Variants in NUP155 observed in about 807,000 individuals in gnomAD.
The protein encoded by NUP155 is nuclear pore complex protein Nup155.
A neutral mutation model predicts 180.4 loss-of-function variants in NUP155; 71 were observed. That is an observed-to-expected ratio of 0.39 (90% CI 0.33 to 0.48). NUP155 has a LOEUF of 0.48. Among genes scored for constraint, NUP155 ranks in the 20% least tolerant of loss-of-function variants. NUP155 has a pLI of 0.91. For synonymous variants in NUP155, 582 were observed against 559.5 expected (o/e 1.04, Z -0.57); for missense variants, 1,553 against 1,648.9 (o/e 0.94, Z 1.01).
intron 9 of NUP155, 56 bp downstream of exon 9, chr5:37,348,449 A>G: frequency 9.2e-7 from 1 of 1,089,590 alleles, no homozygotes; most frequent in Non-Finnish European, 1.4e-6. Flanking sequence ...AAGGCTACAC[A>G]CAAATAGTAT....
chr5:37,352,754 T>G lies in NUP155; in HGVS notation c.539A>C (p.Tyr180Ser). The G allele has an allele frequency of 6.2e-7, 1 of 1,613,082 alleles. No individual in the cohort carries two copies. Among genetic ancestry groups the G allele is most frequent in the African/African-American group, 1.3e-5 (1 of 74,998 alleles). The change falls in exon 5 of 35, where the codon TAT (tyrosine) becomes TCT (serine). Residue 180 changes from tyrosine to serine, a missense_variant. Transcript: ENST00000231498. ...PVDIVILGLS[Y>S]ANLQTGSGVL... Reference sequence around the variant, plus strand: ...TGCCATACCTGTTTGCAAATTAGCATAGCTGAGTCCAAGAATTACTATGTC... The same window carrying G: ...TGCCATACCTGTTTGCAAATTAGCAGAGCTGAGTCCAAGAATTACTATGTC...
intron 1 of NUP155, among the ~76,000 whole-genome samples, chr5:37,369,528 C>A (rs1260577107): frequency 6.6e-6 from 1 of 151,980 alleles, no homozygotes; most frequent in Non-Finnish European, 1.5e-5. Context: ...AGAGAAGGAC[C>A]AGAATGCATG....
chr5:37,303,133 C>T (rs1373366550), intron 28 of NUP155, 127 bp downstream of exon 28: 1 of 1,097,470 alleles, frequency 9.1e-7, no homozygotes, highest in Non-Finnish European at 1.3e-6. Flanking sequence ...TAAAAAGTAA[C>T]ATCCTATTTA....
intron 25 of NUP155, among the ~76,000 whole-genome samples, chr5:37,307,044 A>G (rs1332124922): frequency 1.3e-5 from 2 of 151,792 alleles, no homozygotes. Context: ...CTAAAAATAC[A>G]AAAATTAGCC....
chr5:37,364,283 C>T lies in NUP155; in HGVS notation c.259G>A (p.Val87Ile). Residue 87 changes from valine (V) to isoleucine (I), a missense_variant, in exon 2 of 35, where the codon GTT becomes ATT. By Grantham distance (29) the Val-to-Ile change is conservative (BLOSUM62 3). Transcript: ENST00000231498. ...TCAACAAGTTCAGGTGGGAGAGGAA[C>T]TCTTCGGATGGAACTGATCTCTGGA... ...NLPEISSIRR[V>I]PLPPELVEQF... 6.2e-7 allele frequency: 1 copy of T among 1,613,100 alleles called. No homozygotes were observed. The highest frequency in any genetic ancestry group is 8.5e-7 in the Non-Finnish European group (1 of 1,179,092).
chr5:37,364,631 T>C lies in NUP155; in HGVS notation c.158-247A>G, dbSNP rs181735953. Among the ~76,000 whole-genome samples the C allele has an allele frequency of 3.6e-3, 40 of 11,128 alleles. 1 individual carries two copies. The Admixed American group carries it at 0.048, about 13-fold the overall frequency. The allele number at this position is 11,128 out of a possible 152,430, so 7.3% of individuals were successfully genotyped here. On this transcript the variant is annotated intron_variant, in intron 1 of 34. Coordinates refer to ENST00000231498, the MANE Select transcript of NUP155 (RefSeq NM_153485.3). ...TGCTCTGTAACAAAGGAAATGTTTA[T>C]TTTATTTTATTTTTTTTTTTTTTGA...
rs1745694164 is a variant in NUP155, at chr5:37,341,170, T to A, written c.1166A>T (p.His389Leu). The change falls in exon 11 of 35, where the codon CAT becomes CTT. Residue 389 changes from histidine to leucine, a missense_variant. Physicochemically the swap from His to Leu is moderately conservative, Grantham distance 99. Transcript: ENST00000231498. ...LARPNTLTLV[H>L]VRLPPGFSAS... The stretch of plus-strand genomic sequence containing the variant: ...TGAGAATCCAGGAGGTAAGCGGACA[T>A]GAACCAGCGTCAGTGTATTAGGCCG... 8 of 1,614,036 alleles carry A rather than the reference T, an allele frequency of 5.0e-6. No individual in the cohort carries two copies. The highest frequency in any genetic ancestry group is 6.8e-6 in the Non-Finnish European group (8 of 1,179,886).
intron 4 of NUP155, among the ~76,000 whole-genome samples, chr5:37,353,119 A>G (rs1223968817): frequency 6.6e-6 from 1 of 152,168 alleles, no homozygotes; most frequent in Non-Finnish European, 1.5e-5. Flanking sequence ...GTTATATTAC[A>G]AAATAGTTTA....
chr5:37,349,993 C>T (rs1037405431), intron 7 of NUP155, among the ~76,000 whole-genome samples, 167 bp downstream of exon 7: 1 of 152,172 alleles, frequency 6.6e-6, no homozygotes, highest in Non-Finnish European at 1.5e-5. Flanking sequence ...CACACTTTCT[C>T]TAGGTTATGA....
intron 18 of NUP155, chr5:37,327,134 T>C (rs1406222150): frequency 5.7e-6 from 1 of 176,758 alleles, no homozygotes; most frequent in Non-Finnish European, 1.2e-5. Flanking sequence ...ACACAAAATA[T>C]CAGTGTTACG....
In NUP155 at chr5:37,328,435, A is replaced by C. The variant is rs199669233; in HGVS notation, c.1814-15T>G. On this transcript the variant is annotated splice_polypyrimidine_tract_variant and intron_variant, in intron 16 of 34. Transcript: ENST00000231498. ...AACAGGAGAACCTAAAAAGGGAAAG[A>C]AGAATATAAAGATTTAGAAAAGAAC... The C allele has an allele frequency of 7.9e-6, 12 of 1,528,220 alleles. No homozygotes were observed. The highest frequency in any genetic ancestry group is 1.0e-5 in the Non-Finnish European group (11 of 1,102,474). The allele number at this position is 1,528,220 out of a possible 1,614,324, so 94.7% of individuals were successfully genotyped here.
intron 3 of NUP155, among the ~76,000 whole-genome samples, chr5:37,361,306 G>GGAGA (rs532385418): frequency 7.6e-5 from 11 of 144,100 alleles, no homozygotes; most frequent in Non-Finnish European, 1.5e-4. Context: ...GAACAGAAAA[G>GGAGA]GAGAGAGAGA....
At position 37,320,162 on chromosome 5, in the gene NUP155, G is replaced by GAA. The variant is rs201560597; in HGVS notation, c.2208-2079_2208-2078dup. ...TGACAGAGCAAGATTGCCTAAAAAA[G>GAA]AAAAAAAAAGAGAAAAGACAGACAG... On this transcript the variant is annotated intron_variant, in intron 20 of 34. Transcript: ENST00000231498. 2.0e-5 allele frequency among the ~76,000 whole-genome samples: 3 copies of GAA among 148,882 alleles called. No individual in the cohort carries two copies. The East Asian group carries it at 5.9e-4, about 29-fold the overall frequency.
At chr5:37,304,711 A>T in intron 27 of NUP155, 28 bp downstream of exon 27, 1 of 1,433,130 alleles carries the variant, frequency 7.0e-7, no homozygotes, top group Non-Finnish European at 9.8e-7. Flanking sequence ...AAGAATAATT[A>T]ACACAACTGC....
chr5:37,347,289 T>C (rs1000460352), intron 9 of NUP155, among the ~76,000 whole-genome samples: 7 of 151,902 alleles, frequency 4.6e-5, no homozygotes, highest in Non-Finnish European at 1.0e-4. Context: ...CTTTGAGACA[T>C]GCAGTTTCCT....
At chr5:37,307,731 G>A (rs776729811) in intron 24 of NUP155, among the ~76,000 whole-genome samples, 1 of 151,926 alleles carries the variant, frequency 6.6e-6, no homozygotes, top group Non-Finnish European at 1.5e-5. Flanking sequence ...AGACCAGCCT[G>A]ACCAACATGG....
chr5:37,327,769 C>A lies in NUP155; in HGVS notation c.1884G>T (p.Gln628His). The A allele has an allele frequency of 1.9e-6, 3 of 1,614,050 alleles. 1 individual carries two copies. The highest frequency in any genetic ancestry group is 2.2e-5 in the South Asian group (2 of 91,076). Residue 628 changes from glutamine (Q) to histidine (H), a missense_variant, in exon 18 of 35, where the codon CAG becomes CAT. Coordinates refer to ENST00000231498, the MANE Select transcript of NUP155 (RefSeq NM_153485.3). ...SFLGTPSHGI[Q>H]PPAMSTPVCA... ...ACACTGGAGTTGACATGGCAGGAGG[C>A]TGTATACCTTGTACACACATAAGAA... is the stretch of plus-strand genomic sequence containing the variant.
intron 12 of NUP155, among the ~76,000 whole-genome samples, chr5:37,335,157 CAAAAAA>C (rs369127748): frequency 8.0e-5 from 5 of 62,208 alleles, no homozygotes; most frequent in African/African-American, 2.3e-4. Flanking sequence ...GACTCTGTCA[CAAAAAA>C]AAAAAAAAAA....
Position 37,325,957 on chromosome 5 carries a change from C to G in NUP155, c.2035G>C (p.Asp679His). Residue 679 changes from aspartate to histidine, a missense_variant, in exon 19 of 35, where the codon GAT becomes CAT. By Grantham distance (81) the Asp-to-His change is moderately conservative. Transcript: ENST00000231498. The stretch of plus-strand genomic sequence containing the variant: ...ATTCTCTCCACAACTAAGCTTGCAT[C>G]CCAAATGTTTCTGGAAAAAAAAAAG... ...YFSRIMGNIW[D>H]ASLVVERIFK... is the part of the protein sequence containing the mutation. The G allele has an allele frequency of 1.2e-6, 2 of 1,609,052 alleles. No individual in the cohort carries two copies. The highest frequency in any genetic ancestry group is 1.7e-6 in the Non-Finnish European group (2 of 1,176,936).
Sources: gnomAD v4.1 joint callset for allele counts (sites outside exome capture counted in the v4.1 genomes callset) on GRCh38, gnomAD v4.1.1 for gene constraint, MANE v1.5 for transcripts, NCBI Gene and HGNC (gene_info 2026-07-23, HGNC 2026-07-21) for gene names.